HMCN1: variants seen among roughly 807,000 people sequenced by gnomAD.
HMCN1 encodes the protein hemicentin 1.
Under a neutral mutation model 625.9 loss-of-function variants are expected in HMCN1, and 321 were observed. The ratio of observed to expected loss-of-function variants is 0.51; its 90% confidence interval spans 0.47 to 0.56. The LOEUF (loss-of-function observed/expected upper bound fraction) is 0.56. Among genes scored for constraint, HMCN1 ranks in the 20% least tolerant of loss-of-function variants. The pLI, the probability that HMCN1 is intolerant of heterozygous loss-of-function variation, is 0.00. For missense variants in HMCN1, 6,588 were observed against 6,887.3 expected, an observed-to-expected ratio of 0.96 and a Z score of 1.54; for synonymous variants, 2,425 against 2,417.6, an observed-to-expected ratio of 1.00 and a Z score of -0.09.
intron 1 of HMCN1, among the ~76,000 whole-genome samples, chr1:185,744,190 T>C (rs1240306277): frequency 6.6e-6 from 1 of 151,700 alleles, no homozygotes; most frequent in Non-Finnish European, 1.5e-5. Context: ...GAGACGGGGT[T>C]GCACCGTGTT....
At chr1:186,066,014 T>G (rs1252127575) in intron 49 of HMCN1, among the ~76,000 whole-genome samples, 3 of 152,184 alleles carry the variant, frequency 2.0e-5, no homozygotes, top group Admixed American at 6.5e-5. Context: ...GTATAGTTGT[T>G]TGTTTTTATA....
chr1:185,773,299 C>A (rs1193344372), intron 1 of HMCN1, among the ~76,000 whole-genome samples: 1 of 152,084 alleles, frequency 6.6e-6, no homozygotes, highest in South Asian at 2.1e-4. Context: ...TTACCTGGTT[C>A]CAAATGTCAG....
At chr1:185,949,899 G>A (rs923426602) in intron 11 of HMCN1, among the ~76,000 whole-genome samples, 4 of 151,742 alleles carry the variant, frequency 2.6e-5, no homozygotes, top group African/African-American at 7.3e-5. Context: ...ATAGCAGATG[G>A]AACACTGAGA....
chr1:186,166,440 T>C, intron 99 of HMCN1, 137 bp downstream of exon 99: 1 of 1,110,634 alleles, frequency 9.0e-7, no homozygotes, highest in South Asian at 1.4e-5. Flanking sequence ...AGGTCTCCAT[T>C]GGGCTGAGAA....
chr1:186,162,627 TAACA>T (rs1307015435), intron 97 of HMCN1, among the ~76,000 whole-genome samples: 5 of 152,232 alleles, frequency 3.3e-5, no homozygotes, highest in African/African-American at 1.2e-4. Context: ...GTTTTCCTTC[TAACA>T]GACAGGACCC....
intron 48 of HMCN1, among the ~76,000 whole-genome samples, chr1:186,063,034 ATGTGTGTGTGTGTGTG>A (rs376321567): frequency 2.1e-5 from 2 of 95,174 alleles, no homozygotes; most frequent in African/African-American, 8.9e-5. Flanking sequence ...ATTCCATGGA[ATGTGTGTGTGTGTGTG>A]TGTGTGTGTG....
At chr1:185,960,409 G>A (rs761224673) in intron 11 of HMCN1, among the ~76,000 whole-genome samples, 24 of 152,078 alleles carry the variant, frequency 1.6e-4, no homozygotes, top group Non-Finnish European at 2.4e-4. Context: ...GATTACAGGC[G>A]TGAACCACCA....
chr1:185,975,515 C>A (rs1321638972), intron 15 of HMCN1, among the ~76,000 whole-genome samples: 1 of 152,046 alleles, frequency 6.6e-6, no homozygotes, highest in Non-Finnish European at 1.5e-5. Context: ...CCCCTATGAT[C>A]CAATCACCTC....
At chr1:185,951,811 C>T (rs969448374) in intron 11 of HMCN1, among the ~76,000 whole-genome samples, 3 of 151,810 alleles carry the variant, frequency 2.0e-5, no homozygotes, top group African/African-American at 7.3e-5. Flanking sequence ...TGCTGCGGTT[C>T]AGGCATTTGG....
At chr1:185,741,770 C>A (rs1654010437) in intron 1 of HMCN1, among the ~76,000 whole-genome samples, 1 of 152,166 alleles carries the variant, frequency 6.6e-6, no homozygotes, top group Non-Finnish European at 1.5e-5. Flanking sequence ...TCATTGGTGA[C>A]TCAACAAGAA....
At chr1:186,008,990 T>G (rs200370422) in intron 30 of HMCN1, among the ~76,000 whole-genome samples, 2 of 152,316 alleles carry the variant, frequency 1.3e-5, no homozygotes, top group East Asian at 3.9e-4. Flanking sequence ...TAAAAGCCTT[T>G]GGAAGAAATT....
chr1:186,130,178 T>A, intron 84 of HMCN1, 78 bp downstream of exon 84: 1 of 1,549,482 alleles, frequency 6.5e-7, no homozygotes, highest in Non-Finnish European at 8.9e-7. Context: ...TATTTTATGG[T>A]AATAAAATAT....
At chr1:186,169,128 G>A (rs1652068063) in intron 100 of HMCN1, among the ~76,000 whole-genome samples, 2 of 151,990 alleles carry the variant, frequency 1.3e-5, no homozygotes, top group South Asian at 4.2e-4. Context: ...AGTATTCCGT[G>A]GTGTATATGT....
In HMCN1 at chr1:186,145,471, C is replaced by T. The variant is rs144825762; in HGVS notation, c.14335C>T (p.Arg4779Trp). ...CSRTCNGGQM[R>W]RYRTCDNPPP... ...CCGGACGTGTAACGGAGGGCAGATG[C>T]GGCGGTACCGCACATGTGATAACCC... The change falls in exon 92 of 107, where the codon CGG (arginine) becomes TGG (tryptophan). Residue 4779 changes from arginine (R) to tryptophan (W), a missense_variant. Physicochemically the swap from Arg to Trp is moderately radical, Grantham distance 101. Around this residue, in one of 3 missense-constraint regions of HMCN1, gnomAD observed 1,954 missense variants for 2,013.1 expected, o/e 0.97. Coordinates refer to ENST00000271588, the MANE Select transcript of HMCN1 (RefSeq NM_031935.3). 6.1e-5 allele frequency: 99 copies of T among 1,611,156 alleles called. 1 individual carries two copies. Among genetic ancestry groups the T allele is most frequent in the Middle Eastern group, 3.3e-4 (2 of 6,042 alleles).
intron 97 of HMCN1, among the ~76,000 whole-genome samples, chr1:186,163,185 C>T (rs1651633420): frequency 6.6e-6 from 1 of 152,220 alleles, no homozygotes; most frequent in South Asian, 2.1e-4. Flanking sequence ...ATCAGCCAGA[C>T]TCCATGGGCA....
chr1:185,977,834 G>T lies in HMCN1; in HGVS notation c.2419G>T (p.Gly807Cys). 6.2e-7 allele frequency: 1 copy of T among 1,613,220 alleles called. No individual in the cohort carries two copies. The highest frequency in any genetic ancestry group is 8.5e-7 in the Non-Finnish European group (1 of 1,179,448). The change falls in exon 16 of 107, where the codon GGC (glycine) becomes TGC (cysteine). Residue 807 changes from glycine (G) to cysteine (C), a missense_variant. Transcript: ENST00000271588. ...QEPADVSMEI[G>C]SNVTLPCYVQ... ...ACCTGCTGATGTGTCTATGGAAATT[G>T]GCTCAAATGTGACATTACCTTGTTA...
At position 185,898,027 on chromosome 1, in the gene HMCN1, A is replaced by AT. The variant is rs766013125; in HGVS notation, c.622-11304dup. On this transcript the variant is annotated intron_variant, in intron 4 of 106. Transcript: ENST00000271588. Reference sequence around the variant, plus strand: ...ATAATAGTATTAATAGCAAAACTGAATTTTTTCAGTTTTGAAAGGATCTTC... The same window carrying AT: ...ATAATAGTATTAATAGCAAAACTGAATTTTTTTCAGTTTTGAAAGGATCTTC... Among the ~76,000 whole-genome samples the AT allele has an allele frequency of 5.0e-4, 76 of 152,200 alleles. 1 individual carries two copies. Among genetic ancestry groups the AT allele is most frequent in the Non-Finnish European group, 6.8e-4 (46 of 68,000 alleles).
chr1:185,781,580 T>A (rs1657110939), intron 1 of HMCN1, among the ~76,000 whole-genome samples: 1 of 152,232 alleles, frequency 6.6e-6, no homozygotes, highest in Non-Finnish European at 1.5e-5. Context: ...AGAACATATT[T>A]ATTTCTGCCT....
intron 34 of HMCN1, 82 bp downstream of exon 34, chr1:186,018,434 A>G: frequency 1.5e-6 from 2 of 1,294,008 alleles, no homozygotes; most frequent in South Asian, 1.2e-5. Flanking sequence ...TTGTAGCTCA[A>G]TAATGTGAAT....
Sources: gnomAD v4.1 joint callset for allele counts (sites outside exome capture counted in the v4.1 genomes callset) on GRCh38, gnomAD v4.1.1 for gene constraint, gnomAD v4.1.1 regional missense constraint, MANE v1.5 for transcripts, NCBI Gene and HGNC (gene_info 2026-07-23, HGNC 2026-07-21) for gene names.